NTN1: variants seen among roughly 807,000 people sequenced by gnomAD.
The protein encoded by NTN1 is netrin-1.
In NTN1, 11 loss-of-function variants were observed where a neutral mutation model predicts 54.2. The ratio of observed to expected loss-of-function variants is 0.20; its 90% confidence interval spans 0.13 to 0.34. The LOEUF (loss-of-function observed/expected upper bound fraction) is 0.34, where lower values mean the gene tolerates loss of function less well. Ranked by LOEUF, NTN1 falls within the 10% of genes least tolerant of loss-of-function variation. The pLI is 1.00. For synonymous variants in NTN1, 371 were observed against 382.0 expected, an observed-to-expected ratio of 0.97 and a Z score of 0.33; for missense variants, 740 against 893.1, an observed-to-expected ratio of 0.83 and a Z score of 2.18.
chr17:9,193,938 A>AAAAAAAAAAC (rs796452392), intron 5 of NTN1, among the ~76,000 whole-genome samples: 3 of 108,402 alleles, frequency 2.8e-5, no homozygotes, highest in East Asian at 3.0e-4. Context: ...AAAAAAAAAA[A>AAAAAAAAAAC]AAAAAACATT....
At chr17:9,098,838 T>C (rs2092140301) in intron 2 of NTN1, among the ~76,000 whole-genome samples, 1 of 152,172 alleles carries the variant, frequency 6.6e-6, no homozygotes, top group Admixed American at 6.5e-5. Flanking sequence ...TCATTTTCTT[T>C]CTGACTCCAA....
intron 2 of NTN1, among the ~76,000 whole-genome samples, chr17:9,144,191 C>G (rs995724026): frequency 6.6e-6 from 1 of 151,968 alleles, no homozygotes; most frequent in East Asian, 1.9e-4. Flanking sequence ...CCACTGCGCC[C>G]GGCCGTTACC....
intron 2 of NTN1, among the ~76,000 whole-genome samples, chr17:9,126,015 C>T (rs967112655): frequency 4.6e-5 from 7 of 152,222 alleles, no homozygotes; most frequent in African/African-American, 1.7e-4. Context: ...TGACAAGGGG[C>T]AGGGCCAGGC....
chr17:9,022,223 G>A (rs1235904063), intron 1 of NTN1, 88 bp from the exon 2 acceptor site: 1 of 865,254 alleles, frequency 1.2e-6, no homozygotes, highest in East Asian at 3.5e-5. Context: ...AGGAAGCCGG[G>A]CGTTCTCCCG....
intron 5 of NTN1, among the ~76,000 whole-genome samples, chr17:9,206,490 T>A (rs921152836): frequency 1.3e-5 from 2 of 152,018 alleles, no homozygotes; most frequent in Non-Finnish European, 2.9e-5. Flanking sequence ...GGGAGGGGGC[T>A]GGGGCGGCTC....
rs761359652 is a variant in NTN1, at chr17:9,221,173, G to A, written c.1417G>A (p.Asp473Asn). The change falls in exon 6 of 7, where the codon GAT (aspartate) becomes AAT (asparagine). Residue 473 changes from aspartate (D) to asparagine (N), a missense_variant. Transcript: ENST00000173229. This position sits in a 1 kb window ranked among gnomAD's most constrained non-coding sequence, Gnocchi z 4.5. Reference sequence around the variant, plus strand: ...CCCCCCCCACCCCCCTGCAGACTGCGATTCCTACTGCAAGGCCTCCAAGGG... The same window carrying A: ...CCCCCCCCACCCCCCTGCAGACTGCAATTCCTACTGCAAGGCCTCCAAGGG... ...ASSVEEPEDC[D>N]SYCKASKGKL... The A allele has an allele frequency of 5.0e-5, 73 of 1,445,764 alleles. No homozygotes were observed. The highest frequency in any genetic ancestry group is 6.7e-5 in the Non-Finnish European group (69 of 1,035,834). The allele number at this position is 1,445,764 out of a possible 1,614,324, so 89.6% of individuals were successfully genotyped here.
rs944389356 is a variant in NTN1, at chr17:9,243,973, A to G, written c.*4005A>G. 1.3e-5 allele frequency: 2 copies of G among 151,822 alleles called. No homozygotes were observed. Among genetic ancestry groups the G allele is most frequent in the African/African-American group, 4.8e-5 (2 of 41,282 alleles). 9.4% of individuals were successfully genotyped at this position (151,822 alleles called of 1,614,324 possible). ...CCCCACATGATAGAACTAAATTCAGATATCATTAAATAAACTCTTGTACAC... is the reference window on the plus strand; with the variant it reads ...CCCCACATGATAGAACTAAATTCAGGTATCATTAAATAAACTCTTGTACAC... On this transcript the variant is annotated 3_prime_UTR_variant, in exon 7 of 7. Transcript: ENST00000173229.
intron 2 of NTN1, among the ~76,000 whole-genome samples, chr17:9,142,527 C>T (rs1390141510): frequency 1.3e-5 from 2 of 151,582 alleles, no homozygotes; most frequent in African/African-American, 2.4e-5. Context: ...AAGGATACAC[C>T]TGTGGAGTGT....
chr17:9,005,136 A>G, the NTN1 span, among the ~76,000 whole-genome samples: 2 of 151,902 alleles, frequency 1.3e-5, no homozygotes, highest in African/African-American at 4.8e-5. Flanking sequence ...CGTCTTCACC[A>G]ACATTCTCCT....
chr17:9,065,264 C>G (rs1395045923), intron 2 of NTN1, among the ~76,000 whole-genome samples: 1 of 152,088 alleles, frequency 6.6e-6, no homozygotes, highest in Non-Finnish European at 1.5e-5. Flanking sequence ...AAAGCAATAC[C>G]CTTGCTATAA....
At chr17:9,185,150 G>A (rs2092429541) in intron 5 of NTN1, among the ~76,000 whole-genome samples, 1 of 152,138 alleles carries the variant, frequency 6.6e-6, no homozygotes, top group Non-Finnish European at 1.5e-5. Context: ...GGGGGTCCTC[G>A]GATGCCCAGG....
intron 2 of NTN1, among the ~76,000 whole-genome samples, chr17:9,029,160 G>T (rs2151508982): frequency 6.6e-6 from 1 of 151,788 alleles, no homozygotes; most frequent in Non-Finnish European, 1.5e-5. Context: ...GAGCTGTGGA[G>T]TTTAAAATGT....
At chr17:9,121,423 C>T (rs954012968) in intron 2 of NTN1, among the ~76,000 whole-genome samples, 7 of 152,090 alleles carry the variant, frequency 4.6e-5, no homozygotes, top group South Asian at 2.1e-4. Flanking sequence ...TCTGTTCATC[C>T]GTGCCTGCCC....
chr17:9,152,081 G>T (rs963019708), intron 2 of NTN1, among the ~76,000 whole-genome samples: 3 of 152,114 alleles, frequency 2.0e-5, no homozygotes, highest in Non-Finnish European at 2.9e-5. Context: ...CAATCCACTC[G>T]GGTCACCTTC....
chr17:9,124,204 C>T lies in NTN1; in HGVS notation c.1019-38609C>T, dbSNP rs554528438. Reference sequence around the variant, plus strand: ...CACTCTTCTGACTCATGTTCTCTGACTTCTAGACGCTTTTCTTCCATAATT... The same window carrying T: ...CACTCTTCTGACTCATGTTCTCTGATTTCTAGACGCTTTTCTTCCATAATT... On this transcript the variant is annotated intron_variant, in intron 2 of 6. Transcript: ENST00000173229. Among the ~76,000 whole-genome samples the T allele has an allele frequency of 2.6e-5, 4 of 152,348 alleles. 1 individual carries two copies. The highest frequency in any genetic ancestry group is 1.3e-4 in the Admixed American group (2 of 15,302).
At chr17:9,057,331 A>C (rs2091982616) in intron 2 of NTN1, among the ~76,000 whole-genome samples, 1 of 152,148 alleles carries the variant, frequency 6.6e-6, no homozygotes, top group African/African-American at 2.4e-5. Context: ...TGTTGGCTGA[A>C]ATAATTTCAT....
intron 2 of NTN1, among the ~76,000 whole-genome samples, chr17:9,134,479 A>G (rs985361740): frequency 6.6e-6 from 1 of 152,198 alleles, no homozygotes; most frequent in African/African-American, 2.4e-5. Flanking sequence ...TGGTCCTTGT[A>G]TATTAGAATC....
At chr17:9,090,743 G>C (rs886502092) in intron 2 of NTN1, among the ~76,000 whole-genome samples, 1 of 152,032 alleles carries the variant, frequency 6.6e-6, no homozygotes, top group Admixed American at 6.6e-5. Flanking sequence ...TTGTGAGAAG[G>C]GAAGAATTAG....
intron 2 of NTN1, among the ~76,000 whole-genome samples, chr17:9,098,114 C>T (rs568763040): frequency 9.2e-5 from 14 of 152,176 alleles, no homozygotes; most frequent in Non-Finnish European, 1.5e-4. Context: ...GTGGACGTTT[C>T]GCTCAGTTCT....
Sources: allele counts gnomAD v4.1 joint callset (sites outside exome capture counted in the v4.1 genomes callset), GRCh38; gene constraint gnomAD v4.1.1; non-coding constraint Gnocchi (gnomAD v3.1); transcripts MANE v1.5; gene names NCBI Gene and HGNC (gene_info 2026-07-23, HGNC 2026-07-21).